Variants in ATG7 observed in about 807,000 individuals in gnomAD.
ATG7 encodes ubiquitin-like modifier-activating enzyme ATG7.
A neutral mutation model predicts 82.4 loss-of-function variants in ATG7; 70 were observed. That is an observed-to-expected ratio of 0.85 (90% CI 0.70 to 1.04). The LOEUF is 1.04. ATG7 is among the 50% of genes least tolerant of loss of function. The pLI is 0.00. For missense variants in ATG7, 792 were observed against 864.3 expected, an observed-to-expected ratio of 0.92 and a Z score of 1.05; for synonymous variants, 287 against 313.0, an observed-to-expected ratio of 0.92 and a Z score of 0.88.
intron 20 of ATG7, among the ~76,000 whole-genome samples, chr3:11,496,615 A>G (rs2090852592): frequency 6.6e-6 from 1 of 152,220 alleles, no homozygotes; most frequent in African/African-American, 2.4e-5. Flanking sequence ...GAATGCCTGC[A>G]TGACTCTTCA....
At chr3:11,526,634 T>C (rs2092585470) in intron 20 of ATG7, among the ~76,000 whole-genome samples, 1 of 152,232 alleles carries the variant, frequency 6.6e-6, no homozygotes. Context: ...GTTGTAACAG[T>C]TTGAAAATTC....
chr3:11,490,311 T>G (rs2090208540), intron 20 of ATG7, among the ~76,000 whole-genome samples: 1 of 152,244 alleles, frequency 6.6e-6, no homozygotes, highest in Non-Finnish European at 1.5e-5. Context: ...TTTTTTTGTT[T>G]TCCATTTGCT....
At chr3:11,545,181 G>A (rs899700617) in intron 20 of ATG7, among the ~76,000 whole-genome samples, 1 of 152,194 alleles carries the variant, frequency 6.6e-6, no homozygotes, top group African/African-American at 2.4e-5. Context: ...GGGGTGTGCA[G>A]GGCCAGGGCT....
intron 20 of ATG7, among the ~76,000 whole-genome samples, chr3:11,439,864 G>GGCGCTTTTGTACC (rs2083713849): frequency 6.6e-6 from 1 of 152,182 alleles, no homozygotes; most frequent in Admixed American, 6.5e-5. Flanking sequence ...TGATTTTCAG[G>GGCGCTTTTGTACC]GCGCTTTTGT....
chr3:11,361,474 G>A (rs985009089), intron 16 of ATG7, among the ~76,000 whole-genome samples: 8 of 151,790 alleles, frequency 5.3e-5, no homozygotes, highest in Admixed American at 2.0e-4. Context: ...TAGTAGAGAC[G>A]GGGTTTCACC....
intron 20 of ATG7, among the ~76,000 whole-genome samples, chr3:11,500,380 C>A (rs1319699736): frequency 4.6e-5 from 7 of 151,998 alleles, no homozygotes; most frequent in East Asian, 3.8e-4. Flanking sequence ...TCGAGTAGGA[C>A]ACCAAGAAAA....
intron 20 of ATG7, among the ~76,000 whole-genome samples, chr3:11,460,141 AG>A (rs2086163169): frequency 6.6e-6 from 1 of 152,230 alleles, no homozygotes; most frequent in Non-Finnish European, 1.5e-5. Context: ...CAGATGGATC[AG>A]CTGTTTACTT....
At chr3:11,516,912 G>A (rs756041128) in intron 20 of ATG7, among the ~76,000 whole-genome samples, 5 of 152,004 alleles carry the variant, frequency 3.3e-5, no homozygotes, top group Non-Finnish European at 5.9e-5. Context: ...ATGAAACCCC[G>A]TCTGTACTAA....
intron 20 of ATG7, among the ~76,000 whole-genome samples, chr3:11,516,851 G>C (rs2092296318): frequency 6.6e-6 from 1 of 152,218 alleles, no homozygotes; most frequent in South Asian, 2.1e-4. Flanking sequence ...GGGAGGCTGA[G>C]GCAGGTGGAT....
intron 20 of ATG7, among the ~76,000 whole-genome samples, chr3:11,469,262 CAACATGGAGA>C (rs1559688530): frequency 6.6e-6 from 1 of 152,036 alleles, no homozygotes; most frequent in African/African-American, 2.4e-5. Context: ...CCAGCCTGAC[CAACATGGAGA>C]AACCCCATCT....
chr3:11,333,159 T>C (rs1951892233), intron 11 of ATG7, 66 bp downstream of exon 11: 10 of 1,453,848 alleles, frequency 6.9e-6, no homozygotes, highest in Non-Finnish European at 9.1e-6. Context: ...AGGTTTACTT[T>C]CTTTTCATAT....
intron 20 of ATG7, among the ~76,000 whole-genome samples, chr3:11,506,221 T>C (rs2442793): frequency 0.046 from 7,009 of 152,276 alleles, 244 homozygotes; most frequent in Non-Finnish European, 0.064. Context: ...TATCACAGTT[T>C]AAACATGGTA....
At chr3:11,289,859 CT>C (rs143165726) in intron 3 of ATG7, among the ~76,000 whole-genome samples, 3,834 of 152,086 alleles carry the variant, frequency 0.025, 174 homozygotes, top group African/African-American at 0.088. Flanking sequence ...TGCACTGGGC[CT>C]TTTTTTTCTC....
At chr3:11,418,709 A>G (rs1484491391) in intron 19 of ATG7, among the ~76,000 whole-genome samples, 1 of 152,142 alleles carries the variant, frequency 6.6e-6, no homozygotes, top group African/African-American at 2.4e-5. Flanking sequence ...TTCTGGGAGC[A>G]GTGGTGTCTT....
At chr3:11,407,020 A>G (rs955424995) in intron 19 of ATG7, among the ~76,000 whole-genome samples, 17 of 152,204 alleles carry the variant, frequency 1.1e-4, no homozygotes, top group Admixed American at 3.9e-4. Flanking sequence ...AACTAATTTC[A>G]GCATTAACGC....
chr3:11,402,845 G>A lies in ATG7; in HGVS notation c.1956+22793G>A, dbSNP rs184108708. On this transcript the variant is annotated intron_variant, in intron 19 of 20. Transcript: ENST00000693202. Reference sequence around the variant, plus strand: ...ACCACACCCAGTTTATTTAACAATCGACGTCAACAATTACCTGGTTACATA... The same window carrying A: ...ACCACACCCAGTTTATTTAACAATCAACGTCAACAATTACCTGGTTACATA... Among the ~76,000 whole-genome samples the A allele has an allele frequency of 6.1e-3, 932 of 152,012 alleles. 4 individuals carry two copies. The highest frequency in any genetic ancestry group is 1.0e-2 in the Non-Finnish European group (677 of 67,996).
chr3:11,361,188 T>TAA (rs1380775528), intron 16 of ATG7, among the ~76,000 whole-genome samples: 2 of 152,270 alleles, frequency 1.3e-5, no homozygotes, highest in African/African-American at 4.8e-5. Flanking sequence ...AGGTTCCCTC[T>TAA]ACCTTTGCAA....
At chr3:11,558,475 ATT>A (rs369629845), downstream of ATG7, 679 of 782,528 alleles carry the variant, frequency 8.7e-4, no homozygotes, top group East Asian at 1.3e-3. Context: ...CACCCCCATG[ATT>A]TTTTTTTTTT....
chr3:11,538,138 G>A (rs147541114), intron 20 of ATG7, among the ~76,000 whole-genome samples: 3 of 152,320 alleles, frequency 2.0e-5, no homozygotes, highest in East Asian at 3.9e-4. Flanking sequence ...ACGGAAGGTT[G>A]GTGGCATTTC....
Sources: allele counts gnomAD v4.1 joint callset (sites outside exome capture counted in the v4.1 genomes callset), GRCh38; gene constraint gnomAD v4.1.1; transcripts MANE v1.5; gene names NCBI Gene and HGNC (gene_info 2026-07-23, HGNC 2026-07-21).